Variants in KCNH5 observed in about 807,000 individuals in gnomAD.
KCNH5 encodes potassium voltage-gated channel subfamily H member 5, also known as voltage-gated delayed rectifier potassium channel KCNH5.
KCNH5 carries 46 observed loss-of-function variants against 96.1 expected under a neutral mutation model. That is an observed-to-expected ratio of 0.48 (90% confidence interval 0.38 to 0.61). The LOEUF (loss-of-function observed/expected upper bound fraction) is 0.61, where lower values mean the gene tolerates loss of function less well. KCNH5 is among the 20% of genes least tolerant of loss of function. KCNH5 has a pLI of 0.00. For synonymous variants in KCNH5, 439 were observed against 449.8 expected (o/e 0.98, Z 0.30); for missense variants, 907 against 1,225.8 (o/e 0.74, Z 3.88).
intron 8 of KCNH5, among the ~76,000 whole-genome samples, chr14:62,818,238 C>T (rs1245172706): frequency 6.6e-6 from 1 of 151,584 alleles, no homozygotes; most frequent in Admixed American, 6.6e-5. Context: ...TCACGACACA[C>T]ACAGAGAACA....
At chr14:62,909,621 C>A (rs1053340632) in intron 7 of KCNH5, among the ~76,000 whole-genome samples, 2 of 152,198 alleles carry the variant, frequency 1.3e-5, no homozygotes, top group African/African-American at 4.8e-5. Flanking sequence ...TTCACCCCCA[C>A]TGCCATCCAC....
At chr14:62,867,358 T>C (rs1888154956) in intron 7 of KCNH5, among the ~76,000 whole-genome samples, 1 of 152,142 alleles carries the variant, frequency 6.6e-6, no homozygotes, top group Non-Finnish European at 1.5e-5. Context: ...ACAGGTTTAA[T>C]CTCTACCTTC....
chr14:62,792,561 C>G (rs746369852), intron 9 of KCNH5, among the ~76,000 whole-genome samples: 1 of 151,562 alleles, frequency 6.6e-6, no homozygotes, highest in Admixed American at 6.6e-5. Context: ...GAAATCCATG[C>G]AAAAGACTAA....
chr14:63,022,105 A>C (rs1353108315), intron 1 of KCNH5, among the ~76,000 whole-genome samples: 2 of 152,152 alleles, frequency 1.3e-5, no homozygotes, highest in African/African-American at 4.8e-5. Flanking sequence ...CTTCAGTATA[A>C]CATGATCATG....
At chr14:62,784,969 G>GTAGATAATTAA (rs1211526991) in intron 9 of KCNH5, among the ~76,000 whole-genome samples, 2 of 152,076 alleles carry the variant, frequency 1.3e-5, no homozygotes, top group African/African-American at 2.4e-5. Flanking sequence ...GAAAAGCATA[G>GTAGATAATTAA]CAAAATTAAC....
chr14:62,902,861 AG>A (rs1888956111), intron 7 of KCNH5, among the ~76,000 whole-genome samples: 1 of 151,916 alleles, frequency 6.6e-6, no homozygotes, highest in Non-Finnish European at 1.5e-5. Context: ...CTGGGATTAC[AG>A]GCGGTGCCAC....
Position 63,016,714 on chromosome 14 carries a change from A to G in KCNH5, c.197+117T>C, listed in dbSNP as rs1247178468. 3.1e-6 allele frequency: 3 copies of G among 958,126 alleles called. No homozygotes were observed. The East Asian group carries it at 8.2e-5, about 26-fold the overall frequency. 59.4% of individuals were successfully genotyped at this position (958,126 alleles called of 1,614,324 possible). On this transcript the variant is annotated intron_variant, in intron 2 of 10. Transcript: ENST00000322893. ...ATAATTTAGTCTCCCTAATATTCTA[A>G]CATAATTTTTAACTCTATGGTTTGT...
In KCNH5 at chr14:62,865,719, G is replaced by T. The variant is rs555819662; in HGVS notation, c.1370-15867C>A. Among the ~76,000 whole-genome samples, 6 of 152,212 alleles carry T rather than the reference G, an allele frequency of 3.9e-5. No homozygotes were observed. In the East Asian group the frequency reaches 1.2e-3, roughly 29 times the overall value. Reference sequence around the variant, plus strand: ...TCCCTTCAGTTGTGTACTTTTGACTGCCCTACATAAAGTGCAAATGTATTG... The same window carrying T: ...TCCCTTCAGTTGTGTACTTTTGACTTCCCTACATAAAGTGCAAATGTATTG... On this transcript the variant is annotated intron_variant, in intron 7 of 10. Coordinates refer to ENST00000322893, the MANE Select transcript of KCNH5 (RefSeq NM_139318.5).
chr14:62,771,052 C>G lies in KCNH5; in HGVS notation c.2019+8676G>C, dbSNP rs146972062. 3.4e-3 allele frequency among the ~76,000 whole-genome samples: 522 copies of G among 152,270 alleles called. 2 individuals are homozygous for G. Among genetic ancestry groups the G allele is most frequent in the African/African-American group, 0.012 (511 of 41,572 alleles). On this transcript the variant is annotated intron_variant, in intron 10 of 10. Coordinates refer to ENST00000322893, the MANE Select transcript of KCNH5 (RefSeq NM_139318.5). ...ACTCGAGAGCTCTCTCACTCTCTCA[C>G]ACACAGGCACTGCAGGGATGCCATG...
chr14:62,775,452 A>G (rs1886076065), intron 10 of KCNH5, among the ~76,000 whole-genome samples: 1 of 152,210 alleles, frequency 6.6e-6, no homozygotes, highest in South Asian at 2.1e-4. Context: ...TCTTGGAGAA[A>G]AAAAAATATG....
intron 4 of KCNH5, among the ~76,000 whole-genome samples, chr14:62,989,150 G>C (rs1890764706): frequency 6.6e-6 from 1 of 151,940 alleles, no homozygotes; most frequent in Non-Finnish European, 1.5e-5. Flanking sequence ...TTTCACCCGA[G>C]TTAGGCAGCA....
At chr14:62,953,487 G>A (rs755391624) in intron 6 of KCNH5, among the ~76,000 whole-genome samples, 4 of 152,124 alleles carry the variant, frequency 2.6e-5, no homozygotes, top group Non-Finnish European at 4.4e-5. Context: ...TCTGCCGTGC[G>A]TTTCCTCTTG....
At chr14:62,771,185 G>A (rs1885977910) in intron 10 of KCNH5, among the ~76,000 whole-genome samples, 1 of 152,130 alleles carries the variant, frequency 6.6e-6, no homozygotes, top group African/African-American at 2.4e-5. Context: ...AGAACTGTGA[G>A]AAAATAAATT....
intron 6 of KCNH5, among the ~76,000 whole-genome samples, chr14:62,975,494 T>C (rs1024246425): frequency 4.0e-5 from 6 of 151,822 alleles, no homozygotes; most frequent in Non-Finnish European, 5.9e-5. Flanking sequence ...CAATCACATA[T>C]TAAAAGGAAA....
At position 62,720,272 on chromosome 14, in the gene KCNH5, C is replaced by T. The variant is rs532753395; in HGVS notation, c.2020-11817G>A. ...ACGTGGAAGAGGTGGCCAGGGACTT[C>T]AGATTTTACCTGTGAGGGGAGGGGA... On this transcript the variant is annotated intron_variant, in intron 10 of 10. Coordinates refer to ENST00000322893, the MANE Select transcript of KCNH5 (RefSeq NM_139318.5). 5.3e-5 allele frequency among the ~76,000 whole-genome samples: 8 copies of T among 152,212 alleles called. No homozygotes were observed. In the South Asian group the frequency reaches 6.2e-4, roughly 12 times the overall value.
chr14:62,721,192 T>C (rs894623912), intron 10 of KCNH5, among the ~76,000 whole-genome samples: 20 of 130,990 alleles, frequency 1.5e-4, no homozygotes, highest in Non-Finnish European at 3.2e-4. Flanking sequence ...AGATCTGATA[T>C]GGGTATTGGA....
chr14:62,949,388 G>A (rs1022379407), intron 7 of KCNH5, among the ~76,000 whole-genome samples: 6 of 152,170 alleles, frequency 3.9e-5, no homozygotes, highest in African/African-American at 7.2e-5. Flanking sequence ...ACTTGAAGGC[G>A]TGAATGATGG....
intron 7 of KCNH5, among the ~76,000 whole-genome samples, chr14:62,893,373 A>G (rs1032119424): frequency 2.0e-5 from 3 of 152,226 alleles, no homozygotes; most frequent in African/African-American, 2.4e-5. Flanking sequence ...CTTCTTACGG[A>G]TAAGTGAAGA....
At position 62,802,217 on chromosome 14, in the gene KCNH5, C is replaced by T. The variant is rs1886676194; in HGVS notation, c.1822+112G>A. On this transcript the variant is annotated intron_variant, in intron 9 of 10. Coordinates refer to ENST00000322893, the MANE Select transcript of KCNH5 (RefSeq NM_139318.5). ...ATTAAGATTCACGTCTCATTAGTGA[C>T]CCAATTTCCAAAGTTACCAAACAAA... 11 of 1,027,990 alleles carry T rather than the reference C, an allele frequency of 1.1e-5. No individual in the cohort carries two copies. The Admixed American group carries it at 2.5e-4, about 23-fold the overall frequency. The allele number at this position is 1,027,990 out of a possible 1,614,324, so 63.7% of individuals were successfully genotyped here. A position where few individuals can be genotyped will look rare whatever the true frequency, so the allele number is the denominator to read the frequency against.
Sources: gnomAD v4.1 joint callset for allele counts (sites outside exome capture counted in the v4.1 genomes callset) on GRCh38, gnomAD v4.1.1 for gene constraint, MANE v1.5 for transcripts, NCBI Gene and HGNC (gene_info 2026-07-23, HGNC 2026-07-21) for gene names.